The following LGSN variants were observed in gnomAD, a reference collection of about 807,000 sequenced individuals.
The protein encoded by LGSN is lengsin.
A neutral mutation model predicts 19.5 loss-of-function variants in LGSN; 21 were observed. The ratio of observed to expected loss-of-function variants is 1.07; its 90% CI spans 0.76 to 1.55. The LOEUF is 1.55. Among genes scored for constraint, LGSN ranks in the 40% most tolerant of loss-of-function variants. LGSN has a pLI of 0.00. For missense variants in LGSN, 673 were observed against 608.5 expected (o/e 1.11, Z -1.12); for synonymous variants, 257 against 215.6 (o/e 1.19, Z -1.68).
At chr6:63,352,630 C>A in the LGSN span, among the ~76,000 whole-genome samples, 1 of 151,988 alleles carries the variant, frequency 6.6e-6, no homozygotes, top group Admixed American at 6.6e-5. Flanking sequence ...CACCGCACTC[C>A]AGTCTGTCTC....
At chr6:63,500,579 G>A in the LGSN span, among the ~76,000 whole-genome samples, 2,309 of 151,916 alleles carry the variant, frequency 0.015, 51 homozygotes, top group African/African-American at 0.052. Context: ...GCACCACCAC[G>A]CCTGGCTAAT....
At chr6:63,362,366 C>G in the LGSN span, among the ~76,000 whole-genome samples, 1 of 150,268 alleles carries the variant, frequency 6.7e-6, no homozygotes, top group Non-Finnish European at 1.5e-5. Context: ...GCTTGTCAGA[C>G]AGTGGGTGCA....
At chr6:63,460,992 GA>G in the LGSN span, among the ~76,000 whole-genome samples, 1 of 152,154 alleles carries the variant, frequency 6.6e-6, no homozygotes, top group East Asian at 1.9e-4. Flanking sequence ...CGTCCCTCAG[GA>G]GGGCTTCTAT....
chr6:63,474,366 T>C, the LGSN span, among the ~76,000 whole-genome samples: 1 of 152,114 alleles, frequency 6.6e-6, no homozygotes, highest in African/African-American at 2.4e-5. Flanking sequence ...CCCAGCACAT[T>C]GGGAGGCCAA....
At chr6:63,513,385 C>T in the LGSN span, among the ~76,000 whole-genome samples, 5 of 149,198 alleles carry the variant, frequency 3.4e-5, no homozygotes, top group African/African-American at 1.0e-4. Flanking sequence ...TGTTATGGAG[C>T]CACACACACT....
chr6:63,552,670 C>A, the LGSN span, among the ~76,000 whole-genome samples: 16 of 152,262 alleles, frequency 1.1e-4, no homozygotes, highest in South Asian at 2.9e-3. Flanking sequence ...GGTTTTAGTT[C>A]TAACATTTAA....
the LGSN span, among the ~76,000 whole-genome samples, chr6:63,531,215 T>G: frequency 6.6e-6 from 1 of 152,268 alleles, no homozygotes; most frequent in Non-Finnish European, 1.5e-5. Context: ...TCACAGCCAA[T>G]GGGCAGAGAC....
chr6:63,351,002 C>T, the LGSN span, among the ~76,000 whole-genome samples: 1 of 152,130 alleles, frequency 6.6e-6, no homozygotes, highest in African/African-American at 2.4e-5. Flanking sequence ...CTCTTCCACC[C>T]AAATTCATAT....
the LGSN span, among the ~76,000 whole-genome samples, chr6:63,500,118 C>A: frequency 6.6e-6 from 1 of 152,174 alleles, no homozygotes; most frequent in Non-Finnish European, 1.5e-5. Context: ...CTTTAATAAG[C>A]TTCTCCTGGC....
the LGSN span, chr6:63,549,422 G>A: frequency 1.3e-6 from 1 of 751,186 alleles, no homozygotes; most frequent in Admixed American, 1.7e-5. Context: ...TCAAACAGGG[G>A]ATTCACCACT....
Position 63,281,058 on chromosome 6 carries a change from T to C in LGSN, c.493A>G (p.Thr165Ala). Residue 165 changes from threonine (T) to alanine (A), a missense_variant, in exon 4 of 4, where the codon ACT becomes GCT. Thr to Ala is a moderately conservative substitution (Grantham distance 58). Coordinates refer to ENST00000370657, the MANE Select transcript of LGSN (RefSeq NM_016571.3). ...AAGGTATCACATATCACTCTTGCAG[T>C]TCTGTCAGCCCATGGCAAAACTCTA... Reference protein sequence around the residue: ...TFRVLPWADRTARVICDTFTV... With the variant: ...TFRVLPWADRAARVICDTFTV... The C allele has an allele frequency of 6.2e-7, 1 of 1,613,896 alleles. No homozygotes were observed. Among genetic ancestry groups the C allele is most frequent in the Non-Finnish European group, 8.5e-7 (1 of 1,179,950 alleles).
the LGSN span, among the ~76,000 whole-genome samples, chr6:63,339,570 A>G: frequency 6.6e-6 from 1 of 152,166 alleles, no homozygotes; most frequent in Non-Finnish European, 1.5e-5. Flanking sequence ...GTGTCTTCAC[A>G]GGCGAAGTGA....
the LGSN span, among the ~76,000 whole-genome samples, chr6:63,484,519 G>A: frequency 4.0e-5 from 6 of 151,622 alleles, no homozygotes; most frequent in Non-Finnish European, 7.4e-5. Flanking sequence ...GCCAGACTCC[G>A]TCTCAAAAAA....
At chr6:63,330,909 G>A in the LGSN span, among the ~76,000 whole-genome samples, 1 of 152,192 alleles carries the variant, frequency 6.6e-6, no homozygotes, top group African/African-American at 2.4e-5. Context: ...GAGGTCAAAG[G>A]TTTGCCCTAG....
At chr6:63,481,861 G>A in the LGSN span, 1 of 251,760 alleles carries the variant, frequency 4.0e-6, no homozygotes, top group Non-Finnish European at 8.0e-6. Flanking sequence ...CATGGATGTG[G>A]CTGCGTTCAA....
chr6:63,527,162 C>T, the LGSN span, among the ~76,000 whole-genome samples: 2 of 152,078 alleles, frequency 1.3e-5, no homozygotes, highest in Non-Finnish European at 2.9e-5. Context: ...GCTTGGATTG[C>T]CTTTCTTCTA....
chr6:63,476,793 T>C, the LGSN span, among the ~76,000 whole-genome samples: 2 of 152,228 alleles, frequency 1.3e-5, no homozygotes, highest in African/African-American at 2.4e-5. Context: ...ATCAAGGAAA[T>C]CGCTATGACT....
Position 63,280,766 on chromosome 6 carries a change from C to T in LGSN, c.785G>A (p.Arg262Lys). The T allele has an allele frequency of 6.2e-7, 1 of 1,614,106 alleles. No homozygotes were observed. Among genetic ancestry groups the T allele is most frequent in the Non-Finnish European group, 8.5e-7 (1 of 1,180,022 alleles). The change falls in exon 4 of 4, where the codon AGG becomes AAG. Residue 262 changes from arginine to lysine, a missense_variant. Transcript: ENST00000370657. ...GAAAGAGATTTCCATCTGACCAGGC[C>T]TGGTAGAGGAGGAAAAACTCTCGAC... ...ANVESFSSST[R>K]PGQMEISFLP...
At chr6:63,346,853 C>T in the LGSN span, among the ~76,000 whole-genome samples, 1 of 152,138 alleles carries the variant, frequency 6.6e-6, no homozygotes, top group Non-Finnish European at 1.5e-5. Flanking sequence ...CTCGGTCATG[C>T]CTTCTTGAAA....
Sources: gnomAD v4.1 joint callset for allele counts (sites outside exome capture counted in the v4.1 genomes callset) on GRCh38, gnomAD v4.1.1 for gene constraint, MANE v1.5 for transcripts, NCBI Gene and HGNC (gene_info 2026-07-23, HGNC 2026-07-21) for gene names.